Variants in FTO observed in about 807,000 individuals in gnomAD.
FTO encodes FTO alpha-ketoglutarate dependent dioxygenase, also known as alpha-ketoglutarate-dependent dioxygenase FTO.
Under a neutral mutation model 63.9 loss-of-function variants are expected in FTO, and 47 were observed. The ratio of observed to expected loss-of-function variants is 0.74; its 90% confidence interval spans 0.58 to 0.94. The LOEUF is 0.94. FTO is among the 40% of genes least tolerant of loss of function. The pLI, the probability that FTO is intolerant of heterozygous loss-of-function variation, is 0.00. For missense variants in FTO, 562 were observed against 618.1 expected (o/e 0.91, Z 0.96); for synonymous variants, 207 against 224.4 (o/e 0.92, Z 0.69).
chr16:53,763,296 T>C (rs2077116594), intron 1 of FTO, among the ~76,000 whole-genome samples: 2 of 152,352 alleles, frequency 1.3e-5, no homozygotes, highest in South Asian at 4.1e-4. Context: ...TGGTGTCATC[T>C]AACATTATTA....
intron 1 of FTO, among the ~76,000 whole-genome samples, chr16:53,742,775 T>C (rs1203477181): frequency 1.3e-5 from 2 of 152,186 alleles, no homozygotes; most frequent in Non-Finnish European, 2.9e-5. Flanking sequence ...CCACACTTTA[T>C]AGATAAAGAA....
chr16:53,704,539 T>G (rs1051045522), intron 1 of FTO, among the ~76,000 whole-genome samples: 1 of 152,256 alleles, frequency 6.6e-6, no homozygotes, highest in Non-Finnish European at 1.5e-5. Flanking sequence ...GATTCTCAGA[T>G]GACTGTGATC....
intron 7 of FTO, among the ~76,000 whole-genome samples, chr16:53,912,569 G>A (rs773358868): frequency 2.0e-5 from 3 of 152,102 alleles, no homozygotes; most frequent in Non-Finnish European, 4.4e-5. Context: ...TTTGATAAAA[G>A]CAAATGGTTC....
chr16:53,954,448 C>G (rs1406818210), intron 8 of FTO, among the ~76,000 whole-genome samples: 3 of 152,106 alleles, frequency 2.0e-5, no homozygotes. Context: ...CGTACCTTGA[C>G]TATTCCTGAA....
intron 1 of FTO, among the ~76,000 whole-genome samples, chr16:53,733,900 A>G (rs1389356466): frequency 6.6e-6 from 1 of 152,184 alleles, no homozygotes; most frequent in Non-Finnish European, 1.5e-5. Context: ...AACTGACTGG[A>G]AGGAAGATAT....
chr16:54,075,511 T>A (rs1322394800), intron 8 of FTO, among the ~76,000 whole-genome samples: 1 of 152,194 alleles, frequency 6.6e-6, no homozygotes, highest in Admixed American at 6.5e-5. Flanking sequence ...TAACGTTCTC[T>A]GAATTGTCAA....
intron 7 of FTO, among the ~76,000 whole-genome samples, chr16:53,895,270 T>C (rs541304368): frequency 2.5e-4 from 38 of 152,320 alleles, no homozygotes; most frequent in African/African-American, 7.7e-4. Flanking sequence ...TGAGTGTCTG[T>C]ACCTTTAGTA....
chr16:53,838,958 T>C (rs2079386034), intron 3 of FTO, among the ~76,000 whole-genome samples: 1 of 152,224 alleles, frequency 6.6e-6, no homozygotes, highest in Non-Finnish European at 1.5e-5. Context: ...CAAAATTTTT[T>C]GTGATATATT....
chr16:54,094,343 C>T (rs568783020), intron 8 of FTO, among the ~76,000 whole-genome samples: 10 of 152,260 alleles, frequency 6.6e-5, no homozygotes, highest in Admixed American at 5.9e-4. Flanking sequence ...TATTCAGTGG[C>T]GGCATTGCTA....
chr16:54,069,651 A>T (rs1599312568), intron 8 of FTO, among the ~76,000 whole-genome samples: 1 of 150,822 alleles, frequency 6.6e-6, no homozygotes, highest in African/African-American at 2.4e-5. Context: ...CATAAGTATT[A>T]TTTTTTTTTA....
intron 4 of FTO, among the ~76,000 whole-genome samples, chr16:53,866,099 A>G (rs2080305279): frequency 6.6e-6 from 1 of 152,130 alleles, no homozygotes; most frequent in East Asian, 1.9e-4. Flanking sequence ...AGAATTTTTT[A>G]TCATGAATGG....
intron 6 of FTO, among the ~76,000 whole-genome samples, chr16:53,880,415 A>G (rs763774317): frequency 1.2e-4 from 18 of 152,202 alleles, no homozygotes; most frequent in Non-Finnish European, 2.2e-4. Flanking sequence ...GATGGAGGAC[A>G]GGTTATTACG....
intron 7 of FTO, among the ~76,000 whole-genome samples, chr16:53,903,136 T>C (rs1302211443): frequency 6.6e-6 from 1 of 151,966 alleles, no homozygotes; most frequent in Non-Finnish European, 1.5e-5. Context: ...AAAACAAAGT[T>C]ATAAAAGCCT....
chr16:53,919,393 T>C (rs569433909), intron 7 of FTO, among the ~76,000 whole-genome samples: 2 of 152,056 alleles, frequency 1.3e-5, no homozygotes, highest in Non-Finnish European at 2.9e-5. Context: ...TAAGACTGAA[T>C]AGGGGTTGGA....
chr16:53,762,925 T>C (rs1287422994), intron 1 of FTO, among the ~76,000 whole-genome samples: 1 of 152,204 alleles, frequency 6.6e-6, no homozygotes. Flanking sequence ...TCAAAAGCTG[T>C]CATTTTATTA....
chr16:53,719,101 G>A (rs1485420538), intron 1 of FTO, among the ~76,000 whole-genome samples: 1 of 152,054 alleles, frequency 6.6e-6, no homozygotes, highest in African/African-American at 2.4e-5. Context: ...GCTTTCTTTT[G>A]TCAAATTTGG....
chr16:53,823,752 G>A (rs959215348), intron 2 of FTO, among the ~76,000 whole-genome samples: 15 of 152,084 alleles, frequency 9.9e-5, no homozygotes, highest in Admixed American at 9.8e-4. Context: ...CAGGTGTGGT[G>A]GCGCATGCCT....
At chr16:53,938,363 G>T (rs1324673532) in intron 8 of FTO, among the ~76,000 whole-genome samples, 1 of 152,118 alleles carries the variant, frequency 6.6e-6, no homozygotes, top group Non-Finnish European at 1.5e-5. Context: ...TACGCTATTC[G>T]TCTATTTATT....
chr16:54,073,357 T>C (rs1325692509), intron 8 of FTO, among the ~76,000 whole-genome samples: 5 of 148,720 alleles, frequency 3.4e-5, no homozygotes, highest in African/African-American at 1.3e-4. Flanking sequence ...GCAAATTAAT[T>C]AAGTTTTACT....
Sources: allele counts gnomAD v4.1 joint callset (sites outside exome capture counted in the v4.1 genomes callset), GRCh38; gene constraint gnomAD v4.1.1; transcripts MANE v1.5; gene names NCBI Gene and HGNC (gene_info 2026-07-23, HGNC 2026-07-21).